The following TUSC3 variants were observed in gnomAD, a reference collection of about 807,000 sequenced individuals.
The protein encoded by TUSC3 is tumor suppressor candidate 3.
Under a neutral mutation model 44.8 loss-of-function variants are expected in TUSC3, and 45 were observed. The ratio of observed to expected loss-of-function variants is 1.00; its 90% CI spans 0.79 to 1.29. The LOEUF (loss-of-function observed/expected upper bound fraction) is 1.29, where lower values mean the gene tolerates loss of function less well. TUSC3 is among the 50% of genes most tolerant of loss of function. The pLI is 0.00. For synonymous variants in TUSC3, 212 were observed against 152.9 expected (o/e 1.39, Z -2.85); for missense variants, 519 against 437.9 (o/e 1.19, Z -1.65).
At chr8:15,762,036 T>C (rs987831171) in intron 10 of TUSC3, among the ~76,000 whole-genome samples, 1 of 151,868 alleles carries the variant, frequency 6.6e-6, no homozygotes, top group Non-Finnish European at 1.5e-5. Context: ...GAACATACTT[T>C]GGAAATTTAA....
chr8:15,627,451 G>A (rs2129166464), intron 2 of TUSC3, among the ~76,000 whole-genome samples: 1 of 152,324 alleles, frequency 6.6e-6, no homozygotes, highest in African/African-American at 2.4e-5. Context: ...CTGGATGCTG[G>A]ACAAGAACTT....
the TUSC3 span, among the ~76,000 whole-genome samples, chr8:15,793,002 A>G: frequency 6.6e-6 from 1 of 152,178 alleles, no homozygotes; most frequent in South Asian, 2.1e-4. Flanking sequence ...GGGGAAAACA[A>G]AAATAGAACC....
chr8:15,523,726 A>ATATATATATATATATATATATATATAT (rs1563273722), intron 2 of TUSC3, among the ~76,000 whole-genome samples: 3 of 134,666 alleles, frequency 2.2e-5, no homozygotes, highest in Admixed American at 7.6e-5. Flanking sequence ...ATATATATAT[A>ATATATATATATATATATATATATATAT]AAGTAGTTCT....
chr8:15,560,384 G>C (rs1260083442), intron 1 of TUSC3, among the ~76,000 whole-genome samples: 1 of 141,052 alleles, frequency 7.1e-6, no homozygotes, highest in Non-Finnish European at 1.6e-5. Flanking sequence ...CTGTTAGTCT[G>C]ATGGGCTTCC....
At chr8:15,417,733 C>T (rs754943455) in intron 1 of TUSC3, among the ~76,000 whole-genome samples, 1 of 152,164 alleles carries the variant, frequency 6.6e-6, no homozygotes, top group African/African-American at 2.4e-5. Context: ...ATAGTATGCA[C>T]AGCTGGTAGG....
chr8:15,730,534 A>G, intron 6 of TUSC3, 132 bp from the exon 7 acceptor site: 1 of 841,404 alleles, frequency 1.2e-6, no homozygotes. Flanking sequence ...AATAATTGGA[A>G]CTTAGTAGAA....
chr8:15,819,799 G>C, the TUSC3 span, among the ~76,000 whole-genome samples: 2 of 152,146 alleles, frequency 1.3e-5, no homozygotes, highest in African/African-American at 4.8e-5. Context: ...TCACAATGTG[G>C]GCATTCTAGA....
the TUSC3 span, among the ~76,000 whole-genome samples, chr8:15,774,255 T>G: frequency 6.0e-5 from 9 of 151,064 alleles, no homozygotes; most frequent in African/African-American, 2.2e-4. Context: ...AAAAGATAAG[T>G]TGAAGTCCTG....
intron 7 of TUSC3, among the ~76,000 whole-genome samples, chr8:15,742,252 A>G (rs1160852109): frequency 4.5e-4 from 2 of 4,492 alleles, no homozygotes; most frequent in Non-Finnish European, 7.2e-4. Flanking sequence ...TCTCTTGTAT[A>G]TGTTAGGCTC....
chr8:15,426,604 T>C (rs1799807297), intron 1 of TUSC3, among the ~76,000 whole-genome samples: 1 of 152,214 alleles, frequency 6.6e-6, no homozygotes, highest in South Asian at 2.1e-4. Context: ...GAATAATAAA[T>C]ACTGCATTAT....
intron 8 of TUSC3, among the ~76,000 whole-genome samples, chr8:15,745,911 T>G (rs2129216013): frequency 6.6e-6 from 1 of 152,256 alleles, no homozygotes; most frequent in African/African-American, 2.4e-5. Flanking sequence ...TTTTAAAGTT[T>G]TAGGTGTTAC....
At chr8:15,465,130 A>T (rs1361042248) in intron 1 of TUSC3, among the ~76,000 whole-genome samples, 2 of 152,226 alleles carry the variant, frequency 1.3e-5, no homozygotes, top group Admixed American at 1.3e-4. Flanking sequence ...TACAGGCATG[A>T]GCCACTGTGC....
At chr8:15,684,457 C>T (rs888658826) in intron 6 of TUSC3, among the ~76,000 whole-genome samples, 1 of 152,150 alleles carries the variant, frequency 6.6e-6, no homozygotes, top group Non-Finnish European at 1.5e-5. Flanking sequence ...TTCTCCTGAC[C>T]TGGTGGGTCT....
At chr8:15,845,351 G>T in the TUSC3 span, among the ~76,000 whole-genome samples, 1 of 152,166 alleles carries the variant, frequency 6.6e-6, no homozygotes, top group African/African-American at 2.4e-5. Context: ...TCTTAATCTG[G>T]CAATAAGGAG....
intron 1 of TUSC3, among the ~76,000 whole-genome samples, chr8:15,440,061 A>G (rs554941278): frequency 3.6e-4 from 55 of 152,310 alleles, no homozygotes; most frequent in Non-Finnish European, 4.4e-4. Context: ...GCTTTCATCA[A>G]ATTATCCCAC....
At chr8:15,482,825 T>C (rs1800681278) in intron 1 of TUSC3, among the ~76,000 whole-genome samples, 1 of 152,228 alleles carries the variant, frequency 6.6e-6, no homozygotes, top group Non-Finnish European at 1.5e-5. Flanking sequence ...ACAATATTAA[T>C]TGCAAGGTCT....
At position 15,422,548 on chromosome 8, in the gene TUSC3, C is replaced by G. The variant is rs138742274; in HGVS notation, n.91+5243C>G. On this transcript the variant is annotated intron_variant and non_coding_transcript_variant, in intron 1 of 5. Coordinates refer to the TUSC3 transcript ENST00000503191. Reference sequence around the variant, plus strand: ...ATAGTTGATAACAATGTGTTATATTCATAACATTTGCTAAGACGGTAGATT... The same window carrying G: ...ATAGTTGATAACAATGTGTTATATTGATAACATTTGCTAAGACGGTAGATT... Among the ~76,000 whole-genome samples, 407 of 152,224 alleles carry G rather than the reference C, an allele frequency of 2.7e-3. 2 individuals carry two copies. The highest frequency in any genetic ancestry group is 9.3e-3 in the African/African-American group (387 of 41,548).
chr8:15,514,570 A>G (rs985443159), intron 2 of TUSC3, among the ~76,000 whole-genome samples: 13 of 152,238 alleles, frequency 8.5e-5, no homozygotes, highest in African/African-American at 2.9e-4. Context: ...CCAGAGTTTC[A>G]TGCCTCGTGC....
chr8:15,521,245 C>A (rs1056697277), intron 2 of TUSC3, among the ~76,000 whole-genome samples: 1 of 152,088 alleles, frequency 6.6e-6, no homozygotes, highest in African/African-American at 2.4e-5. Context: ...TGCTTGAGTT[C>A]TTAGGGACGC....
Sources: allele counts gnomAD v4.1 joint callset (sites outside exome capture counted in the v4.1 genomes callset), GRCh38; gene constraint gnomAD v4.1.1; transcripts MANE v1.5; gene names NCBI Gene and HGNC (gene_info 2026-07-23, HGNC 2026-07-21).